PRKCH: variants seen among roughly 807,000 people sequenced by gnomAD.
PRKCH encodes the protein protein kinase C eta.
PRKCH carries 28 observed loss-of-function variants against 82.5 expected under a neutral mutation model. The observed-to-expected ratio is 0.34, with a 90% confidence interval of 0.25 to 0.47. PRKCH has a LOEUF of 0.47. Ranked by LOEUF, PRKCH falls within the 20% of genes least tolerant of loss-of-function variation. The pLI is 1.00. For synonymous variants in PRKCH, 322 were observed against 327.4 expected (o/e 0.98, Z 0.18); for missense variants, 705 against 881.8 (o/e 0.80, Z 2.54).
intron 10 of PRKCH, among the ~76,000 whole-genome samples, chr14:61,513,630 A>G (rs2042779267): frequency 6.6e-6 from 1 of 152,178 alleles, no homozygotes; most frequent in East Asian, 1.9e-4. Context: ...AAATTACTAG[A>G]AAAATGAAAT....
intron 1 of PRKCH, among the ~76,000 whole-genome samples, chr14:61,372,850 G>A (rs1291818515): frequency 6.6e-6 from 1 of 151,996 alleles, no homozygotes; most frequent in Non-Finnish European, 1.5e-5. Context: ...TTTAACAAAT[G>A]CTTAGTGTTC....
chr14:61,286,574 C>T (rs993595506), intron 1 of PRKCH, among the ~76,000 whole-genome samples: 1 of 145,970 alleles, frequency 6.9e-6, no homozygotes, highest in South Asian at 2.2e-4. Context: ...GTCGGGAGTT[C>T]GAGATCAGTC....
At chr14:61,296,130 T>G (rs2045403955) in intron 1 of PRKCH, among the ~76,000 whole-genome samples, 1 of 152,146 alleles carries the variant, frequency 6.6e-6, no homozygotes, top group Non-Finnish European at 1.5e-5. Context: ...TGGGAGAGAG[T>G]AAAAGGGTAA....
rs182157615 is a variant in PRKCH, at chr14:61,226,811, G to A, written c.-19+39143G>A. 2.6e-3 allele frequency among the ~76,000 whole-genome samples: 399 copies of A among 152,258 alleles called. 5 individuals carry two copies. The Middle Eastern group carries it at 0.034, about 13-fold the overall frequency. On this transcript the variant is annotated intron_variant, in intron 1 of 3. Transcript: ENST00000555185. ...GTCCTATGTGCTGAGTGAACCACTG[G>A]CTGATGATAGAATAGGCTCCCCCAC...
intron 2 of PRKCH, among the ~76,000 whole-genome samples, chr14:61,441,354 G>A (rs910949484): frequency 1.3e-5 from 2 of 152,132 alleles, no homozygotes; most frequent in African/African-American, 4.8e-5. Context: ...AAAGAGAGCC[G>A]GTGTGGTAGG....
At chr14:61,509,966 G>T (rs1887306222) in intron 10 of PRKCH, among the ~76,000 whole-genome samples, 1 of 152,096 alleles carries the variant, frequency 6.6e-6, no homozygotes, top group South Asian at 2.1e-4. Context: ...GAGAGGTTCA[G>T]TGGAGGCCTT....
Position 61,430,403 on chromosome 14 carries a change from C to T in PRKCH, c.428-12708C>T, listed in dbSNP as rs3783802. Reference sequence around the variant, plus strand: ...GCTTTGAAAAATGGTCTGGCAGTTTCTTACAGAACTAAACAGACCACTACC... The same window carrying T: ...GCTTTGAAAAATGGTCTGGCAGTTTTTTACAGAACTAAACAGACCACTACC... On this transcript the variant is annotated intron_variant, in intron 2 of 13. Transcript: ENST00000332981. 2.0e-3 allele frequency among the ~76,000 whole-genome samples: 299 copies of T among 152,306 alleles called. 12 individuals carry two copies. The East Asian group carries it at 0.047, about 24-fold the overall frequency.
At chr14:61,194,795 G>T (rs1172438128) in intron 1 of PRKCH, among the ~76,000 whole-genome samples, 1 of 152,122 alleles carries the variant, frequency 6.6e-6, no homozygotes, top group African/African-American at 2.4e-5. Context: ...GTGCAATGGG[G>T]CGACCTCGGC....
At chr14:61,531,963 T>A (rs1020646861) in intron 12 of PRKCH, among the ~76,000 whole-genome samples, 1 of 152,146 alleles carries the variant, frequency 6.6e-6, no homozygotes, top group Admixed American at 6.5e-5. Context: ...CTCACCTAGG[T>A]TGGCTGCAGC....
chr14:61,427,084 A>G (rs1407528608), intron 2 of PRKCH, among the ~76,000 whole-genome samples: 1 of 152,198 alleles, frequency 6.6e-6, no homozygotes, highest in East Asian at 1.9e-4. Context: ...TCAGAGGGAC[A>G]TAAGACATCA....
chr14:61,529,041 T>C, intron 10 of PRKCH, 34 bp from the exon 11 acceptor site: 1 of 1,565,974 alleles, frequency 6.4e-7, no homozygotes, highest in Non-Finnish European at 8.7e-7. Flanking sequence ...GGGGTCTGGC[T>C]GCCCTATCTC....
chr14:61,529,063 T>C lies in PRKCH; in HGVS notation c.1434-12T>C. On this transcript the variant is annotated splice_polypyrimidine_tract_variant and intron_variant, in intron 10 of 13. Transcript: ENST00000332981. ...GGCTGCCCTATCTCGTGCTGCTCTT[T>C]GTATCTTTCAGAGATCTGAAACTGG... 1.2e-6 allele frequency: 2 copies of C among 1,607,556 alleles called. No homozygotes were observed. The highest frequency in any genetic ancestry group is 1.7e-6 in the Non-Finnish European group (2 of 1,176,310).
chr14:61,292,870 C>G (rs1472039954), intron 1 of PRKCH, among the ~76,000 whole-genome samples: 1 of 151,224 alleles, frequency 6.6e-6, no homozygotes, highest in Non-Finnish European at 1.5e-5. Flanking sequence ...CACTTGAGGC[C>G]AGGAGTTCGA....
At chr14:61,199,619 A>ATTTT (rs10717220) in intron 1 of PRKCH, among the ~76,000 whole-genome samples, 1 of 150,334 alleles carries the variant, frequency 6.7e-6, no homozygotes, top group African/African-American at 2.5e-5. Flanking sequence ...TTTTTGTTTC[A>ATTTT]TTTTTTTTTT....
chr14:61,339,135 G>A (rs939408109), intron 1 of PRKCH, among the ~76,000 whole-genome samples: 3 of 151,542 alleles, frequency 2.0e-5, no homozygotes, highest in African/African-American at 7.3e-5. Context: ...ACTTAAGTAG[G>A]TTCCCTTACT....
At chr14:61,484,291 CTTTTTTTTTTTTT>C (rs71449556) in intron 9 of PRKCH, among the ~76,000 whole-genome samples, 1 of 86,382 alleles carries the variant, frequency 1.2e-5, no homozygotes, top group African/African-American at 4.5e-5. Context: ...GCTTGTGTCA[CTTTTTTTTTTTTT>C]TTTTTTTTTG....
chr14:61,298,475 A>T (rs911404963), intron 1 of PRKCH: 2 of 152,168 alleles, frequency 1.3e-5, no homozygotes, highest in African/African-American at 2.4e-5. Context: ...AAGAGCCAGG[A>T]TTTGGAACCA....
chr14:61,527,732 G>C (rs2042985112), intron 10 of PRKCH, among the ~76,000 whole-genome samples: 1 of 152,154 alleles, frequency 6.6e-6, no homozygotes, highest in Non-Finnish European at 1.5e-5. Flanking sequence ...GTAGCCCTGA[G>C]ATTTTTCATG....
At chr14:61,403,040 GTCT>G (rs1453283138) in intron 2 of PRKCH, among the ~76,000 whole-genome samples, 1 of 151,894 alleles carries the variant, frequency 6.6e-6, no homozygotes, top group Non-Finnish European at 1.5e-5. Flanking sequence ...CCCACTAGCT[GTCT>G]TCTTTTAAGT....
Sources: allele counts gnomAD v4.1 joint callset (sites outside exome capture counted in the v4.1 genomes callset), GRCh38; gene constraint gnomAD v4.1.1; transcripts MANE v1.5; gene names NCBI Gene and HGNC (gene_info 2026-07-23, HGNC 2026-07-21).